Variants in FAM107A observed in about 807,000 individuals in gnomAD.
FAM107A encodes the protein actin-associated protein FAM107A.
Under a neutral mutation model 13.7 loss-of-function variants are expected in FAM107A, and 19 were observed. The observed-to-expected ratio is 1.38, with a 90% confidence interval of 0.97 to 2.03. The LOEUF (loss-of-function observed/expected upper bound fraction) is 2.03, where lower values mean the gene tolerates loss of function less well. Ranked by LOEUF, FAM107A falls within the 30% of genes most tolerant of loss-of-function variation. The pLI is 0.00. For missense variants in FAM107A, 203 were observed against 184.4 expected (o/e 1.10, Z -0.58); for synonymous variants, 82 against 74.5 (o/e 1.10, Z -0.52).
chr3:58,594,827 A>T (rs1175274462), intron 1 of FAM107A, among the ~76,000 whole-genome samples: 1 of 152,222 alleles, frequency 6.6e-6, no homozygotes, highest in African/African-American at 2.4e-5. Flanking sequence ...ATATGACAAC[A>T]CAAAAAAACT....
chr3:58,625,715 C>T (rs1368308900), intron 1 of FAM107A, among the ~76,000 whole-genome samples: 1 of 152,270 alleles, frequency 6.6e-6, no homozygotes, highest in Non-Finnish European at 1.5e-5. Flanking sequence ...TGGATTCTGG[C>T]CAGAGGCCAT....
At chr3:58,621,129 T>C (rs139909272) in intron 1 of FAM107A, among the ~76,000 whole-genome samples, 52 of 152,250 alleles carry the variant, frequency 3.4e-4, no homozygotes, top group African/African-American at 1.0e-3. Flanking sequence ...AGGAAATCAT[T>C]CAGGGACTTT....
intron 1 of FAM107A, among the ~76,000 whole-genome samples, chr3:58,611,978 T>C (rs2065859187): frequency 6.6e-6 from 1 of 152,106 alleles, no homozygotes; most frequent in Admixed American, 6.5e-5. Context: ...TTTCTTCTTC[T>C]TTTTTTCATA....
chr3:58,577,982 C>T (rs2063744629), upstream of FAM107A, among the ~76,000 whole-genome samples: 1 of 151,784 alleles, frequency 6.6e-6, no homozygotes, highest in Non-Finnish European at 1.5e-5. This position sits in a 1 kb window ranked among gnomAD's most constrained non-coding sequence, Gnocchi z 4.9. Context: ...TGGGTCTCAG[C>T]AGGCTCATGT....
upstream of FAM107A, among the ~76,000 whole-genome samples, chr3:58,579,795 G>A (rs3749292): frequency 0.43 from 65,299 of 151,586 alleles, 14,595 homozygotes; most frequent in East Asian, 0.51. Context: ...AGGAGAACTG[G>A]GCAGTAGTCC....
In FAM107A at chr3:58,626,663, G is replaced by A. The variant is rs547840145; in HGVS notation, c.-70+753C>T. On this transcript the variant is annotated intron_variant, in intron 1 of 3. Coordinates refer to the FAM107A transcript ENST00000465970. ...ATCCACCTGCATCAGACACTCTCCT[G>A]GGGTATGGGGAAGGGGTACCCAGGG... is the stretch of plus-strand genomic sequence containing the variant. Among the ~76,000 whole-genome samples the A allele has an allele frequency of 2.0e-4, 30 of 152,286 alleles. 1 individual carries two copies. The highest frequency in any genetic ancestry group is 7.2e-4 in the African/African-American group (30 of 41,544).
chr3:58,595,760 G>T (rs1446793028), intron 1 of FAM107A, among the ~76,000 whole-genome samples: 1 of 152,120 alleles, frequency 6.6e-6, no homozygotes, highest in Non-Finnish European at 1.5e-5. Context: ...TTCCATGCAA[G>T]ACTTGTTGGA....
At chr3:58,624,473 C>T (rs1210313449) in intron 1 of FAM107A, among the ~76,000 whole-genome samples, 1 of 151,120 alleles carries the variant, frequency 6.6e-6, no homozygotes, top group Non-Finnish European at 1.5e-5. Context: ...TCCATTCTCT[C>T]TGCCCACCCC....
chr3:58,567,004 G>C, intron 3 of FAM107A: 1 of 636,714 alleles, frequency 1.6e-6, no homozygotes, highest in Non-Finnish European at 2.8e-6. Flanking sequence ...GGCCAGTGAG[G>C]AAGCTGAGGT....
At chr3:58,621,149 C>T (rs749800064) in intron 1 of FAM107A, among the ~76,000 whole-genome samples, 3 of 152,052 alleles carry the variant, frequency 2.0e-5, no homozygotes, top group South Asian at 4.2e-4. Flanking sequence ...TCAAATCTAG[C>T]GGGTAAATAG....
chr3:58,600,728 T>C (rs2065746311), intron 1 of FAM107A, among the ~76,000 whole-genome samples: 1 of 152,230 alleles, frequency 6.6e-6, no homozygotes. Flanking sequence ...TTAATCATAA[T>C]TAATTAAGTG....
intron 1 of FAM107A, among the ~76,000 whole-genome samples, chr3:58,576,538 C>G (rs2063732395): frequency 6.6e-6 from 1 of 152,264 alleles, no homozygotes; most frequent in South Asian, 2.1e-4. Context: ...CACTCAGGAT[C>G]TAAGCCACCC....
chr3:58,624,424 G>A (rs1358785965), intron 1 of FAM107A, among the ~76,000 whole-genome samples: 1 of 152,194 alleles, frequency 6.6e-6, no homozygotes, highest in Non-Finnish European at 1.5e-5. Context: ...TCCTGGCCCA[G>A]TGGTCTATCT....
intron 1 of FAM107A, among the ~76,000 whole-genome samples, chr3:58,598,375 G>A (rs2065724621): frequency 6.6e-6 from 1 of 152,158 alleles, no homozygotes; most frequent in African/African-American, 2.4e-5. Context: ...TCTATCAAAG[G>A]AGGCCTCTAC....
intron 1 of FAM107A, among the ~76,000 whole-genome samples, chr3:58,570,583 CAGAGAGAGAGAGAGAGAGAG>C (rs371909507): frequency 0.15 from 13,866 of 91,366 alleles, 1,280 homozygotes; most frequent in African/African-American, 0.28. Flanking sequence ...GCAAATACAG[CAGAGAGAGAGAGAGAGAGAG>C]AGAGAGAGAG....
upstream of FAM107A, among the ~76,000 whole-genome samples, chr3:58,581,190 AG>A (rs1461109926): frequency 6.6e-6 from 1 of 152,198 alleles, no homozygotes; most frequent in Non-Finnish European, 1.5e-5. Flanking sequence ...GGGGCATCAA[AG>A]GGGGAAGCCC....
At chr3:58,588,182 A>G (rs73091450), upstream of FAM107A, among the ~76,000 whole-genome samples, 4,378 of 152,318 alleles carry the variant, frequency 0.029, 104 homozygotes, top group Middle Eastern at 0.054. Context: ...ACAAAACTTA[A>G]GCCCCTGAAA....
chr3:58,612,784 A>C (rs2065866269), intron 1 of FAM107A, among the ~76,000 whole-genome samples: 1 of 152,226 alleles, frequency 6.6e-6, no homozygotes, highest in Non-Finnish European at 1.5e-5. Context: ...AAATAATAAA[A>C]ATAAAGTTAT....
At chr3:58,618,186 A>C (rs1043394459) in intron 1 of FAM107A, among the ~76,000 whole-genome samples, 4 of 152,206 alleles carry the variant, frequency 2.6e-5, no homozygotes, top group Non-Finnish European at 5.9e-5. Context: ...TGTGTTGTGC[A>C]AGGTTTCTGT....
Sources: gnomAD v4.1 joint callset for allele counts (sites outside exome capture counted in the v4.1 genomes callset) on GRCh38, gnomAD v4.1.1 for gene constraint, Gnocchi (gnomAD v3.1) non-coding constraint, MANE v1.5 for transcripts, NCBI Gene and HGNC (gene_info 2026-07-23, HGNC 2026-07-21) for gene names.